Variants in TIMM44 observed in about 807,000 individuals in gnomAD.
The protein encoded by TIMM44 is mitochondrial import inner membrane translocase subunit TIM44.
A neutral mutation model predicts 63.8 loss-of-function variants in TIMM44; 37 were observed. That is an observed-to-expected ratio of 0.58 (90% confidence interval 0.45 to 0.76). The LOEUF is 0.76. Ranked by LOEUF, TIMM44 falls within the 30% of genes least tolerant of loss-of-function variation. The pLI, the probability that TIMM44 is intolerant of heterozygous loss-of-function variation, is 0.00. For missense variants in TIMM44, 573 were observed against 603.8 expected, an observed-to-expected ratio of 0.95 and a Z score of 0.54; for synonymous variants, 239 against 245.1, an observed-to-expected ratio of 0.98 and a Z score of 0.23.
Position 7,934,111 on chromosome 19 carries a change from G to A in TIMM44, c.521C>T (p.Ala174Val). 2.5e-6 allele frequency: 4 copies of A among 1,613,138 alleles called. No individual in the cohort carries two copies. Among genetic ancestry groups the A allele is most frequent in the Non-Finnish European group, 3.4e-6 (4 of 1,179,976 alleles). ...SKGGEKLGRT[A>V]AFRALSQGVE... ...CACCTGGGAGAGGGCTCTGAAGGCCGCTGTCCTGCCCAGCTTCTCCCCGCC... is the reference window on the plus strand; with the variant it reads ...CACCTGGGAGAGGGCTCTGAAGGCCACTGTCCTGCCCAGCTTCTCCCCGCC... The change falls in exon 5 of 13, where the codon GCG becomes GTG. Residue 174 changes from alanine (A) to valine (V), a missense_variant. Transcript: ENST00000270538. The surrounding 1 kb of genome is among the most constrained non-coding windows in gnomAD (Gnocchi z 5.3).
rs779904923 is a variant in TIMM44, at chr19:7,933,906, G to A, written c.641C>T (p.Ala214Val). Residue 214 changes from alanine to valine, a missense_variant, in exon 6 of 13, where the codon GCG (alanine) becomes GTG (valine). Coordinates refer to ENST00000270538, the MANE Select transcript of TIMM44 (RefSeq NM_006351.4). This position sits in a 1 kb window ranked among gnomAD's most constrained non-coding sequence, Gnocchi z 4.3. ...TTTCTCCTCCTTGAACTTATCTCCC[G>A]CAAACTCCGTTCTCTTCCGGAGTCG... ...PQRLRKRTEF[A>V]GDKFKEEKVF... The A allele has an allele frequency of 6.8e-6, 11 of 1,614,008 alleles. No individual in the cohort carries two copies. Among genetic ancestry groups the A allele is most frequent in the East Asian group, 6.7e-5 (3 of 44,886 alleles).
At chr19:7,930,386 G>C (rs1285264801) in intron 10 of TIMM44, among the ~76,000 whole-genome samples, 1 of 141,122 alleles carries the variant, frequency 7.1e-6, no homozygotes, top group Non-Finnish European at 1.5e-5. Flanking sequence ...TCAGCTCACT[G>C]TAACCTCCAC....
Position 7,934,364 on chromosome 19 carries a change from C to T in TIMM44, c.394-126G>A, listed in dbSNP as rs1335837070. ...GTTCCCCGAGGCCGGCAGAGGCCTT[C>T]TGTGCTCCTGTGGTACGCGGCACCC... On this transcript the variant is annotated intron_variant, in intron 4 of 12. Coordinates refer to ENST00000270538, the MANE Select transcript of TIMM44 (RefSeq NM_006351.4). The surrounding 1 kb of genome is among the most constrained non-coding windows in gnomAD (Gnocchi z 5.3). 5.5e-6 allele frequency: 7 copies of T among 1,274,402 alleles called. No homozygotes were observed. Among genetic ancestry groups the T allele is most frequent in the Non-Finnish European group, 3.4e-6 (3 of 895,330 alleles). 78.9% of individuals were successfully genotyped at this position (1,274,402 alleles called of 1,614,324 possible). A position where few individuals can be genotyped will look rare whatever the true frequency, so the allele number is the denominator to read the frequency against.
chr19:7,926,763 T>G lies in TIMM44; in HGVS notation c.*424A>C. ...TTTTATTCTTTCCAAATCTCAGGCT[T>G]ATGCACAAGATGGAAGAGCACTGTT... On this transcript the variant is annotated 3_prime_UTR_variant, in exon 13 of 13. Transcript: ENST00000270538. 3.9e-6 allele frequency: 1 copy of G among 257,344 alleles called. No homozygotes were observed. Among genetic ancestry groups the G allele is most frequent in the Non-Finnish European group, 7.8e-6 (1 of 128,124 alleles). 15.9% of individuals were successfully genotyped at this position (257,344 alleles called of 1,614,324 possible).
chr19:7,930,349 C>A (rs1983945512), intron 10 of TIMM44, among the ~76,000 whole-genome samples: 1 of 145,630 alleles, frequency 6.9e-6, no homozygotes, highest in African/African-American at 2.5e-5. Flanking sequence ...TGCTCTGTTG[C>A]CCAGGCTGAA....
chr19:7,940,578 CAG>C (rs1394224974), intron 2 of TIMM44, among the ~76,000 whole-genome samples: 4 of 152,062 alleles, frequency 2.6e-5, no homozygotes, highest in Non-Finnish European at 5.9e-5. Context: ...GAGAGGGAGA[CAG>C]AATGTACGCG....
chr19:7,931,105 A>C (rs1338187211), intron 10 of TIMM44, 33 bp downstream of exon 10: 1 of 1,596,630 alleles, frequency 6.3e-7, no homozygotes, highest in East Asian at 2.2e-5. Context: ...TAGGCCTTAA[A>C]AAAAAAAAAA....
intron 10 of TIMM44, among the ~76,000 whole-genome samples, chr19:7,929,480 C>T (rs1446151013): frequency 2.6e-5 from 4 of 152,194 alleles, no homozygotes; most frequent in Admixed American, 1.3e-4. Flanking sequence ...GTGGCGGCCC[C>T]GGGTCACCGA....
In TIMM44 at chr19:7,930,678, G is replaced by T. The variant is rs142981908; in HGVS notation, c.1038+460C>A. ...TTCCCAGGCTAGTCTTGAATGCTTGGGCTCAAGCAATCTCCCGCCTTGGGC... is the reference window on the plus strand; with the variant it reads ...TTCCCAGGCTAGTCTTGAATGCTTGTGCTCAAGCAATCTCCCGCCTTGGGC... On this transcript the variant is annotated intron_variant, in intron 10 of 12. Coordinates refer to ENST00000270538, the MANE Select transcript of TIMM44 (RefSeq NM_006351.4). Among the ~76,000 whole-genome samples the T allele has an allele frequency of 6.6e-3, 998 of 152,204 alleles. 16 individuals carry two copies. The highest frequency in any genetic ancestry group is 0.044 in the Middle Eastern group (13 of 294).
chr19:7,938,144 A>C lies in TIMM44; in HGVS notation c.195T>G (p.Asp65Glu), dbSNP rs1209521647. The change falls in exon 3 of 13, where the codon GAT becomes GAG. Residue 65 changes from aspartate (D) to glutamate (E), a missense_variant. By Grantham distance (45) the Asp-to-Glu change is conservative (BLOSUM62 2). Transcript: ENST00000270538. ...TTTTGGCTAATTCTTGTTTGACATT[A>C]TCTAGCAAGCCGGACAGAAAGCCTT... ...NRKGFLSGLL[D>E]NVKQELAKNK... 9.3e-6 allele frequency: 15 copies of C among 1,613,980 alleles called. No homozygotes were observed. Among genetic ancestry groups the C allele is most frequent in the Non-Finnish European group, 1.2e-5 (14 of 1,179,998 alleles).
Position 7,934,155 on chromosome 19 carries a change from C to G in TIMM44, c.477G>C (p.Ser159=), listed in dbSNP as rs749770608. Reference sequence around the variant, plus strand: ...CCCCGCCTTTGGATACCGACTCGGCCGACTGCTTGGCCGTCTTGGCTGCTT... The same window carrying G: ...CCCCGCCTTTGGATACCGACTCGGCGGACTGCTTGGCCGTCTTGGCTGCTT... ...VEEAAKTAKQ[S]AESVSKGGEK... The change falls in exon 5 of 13, where the codon TCG becomes TCC. Residue 159 remains serine (S), a synonymous_variant. Coordinates refer to ENST00000270538, the MANE Select transcript of TIMM44 (RefSeq NM_006351.4). The surrounding 1 kb of genome is among the most constrained non-coding windows in gnomAD (Gnocchi z 5.3). The G allele has an allele frequency of 2.5e-6, 4 of 1,613,470 alleles. No individual in the cohort carries two copies. Among genetic ancestry groups the G allele is most frequent in the East Asian group, 4.5e-5 (2 of 44,884 alleles).
chr19:7,935,014 CCAGGGGA>C, intron 4 of TIMM44, 44 bp downstream of exon 4: 1 of 1,546,058 alleles, frequency 6.5e-7, no homozygotes, highest in Non-Finnish European at 8.9e-7. Context: ...CCTCCAGCGG[CCAGGGGA>C]CTTTGATGGC....
chr19:7,938,464 T>C (rs992866901), intron 2 of TIMM44, among the ~76,000 whole-genome samples: 1 of 151,842 alleles, frequency 6.6e-6, no homozygotes, highest in Non-Finnish European at 1.5e-5. Flanking sequence ...GGAGGGAGGA[T>C]TGCTTGAGGT....
At chr19:7,940,790 G>C (rs1425278511) in intron 2 of TIMM44, among the ~76,000 whole-genome samples, 2 of 152,092 alleles carry the variant, frequency 1.3e-5, no homozygotes, top group African/African-American at 4.8e-5. Flanking sequence ...AGGTACCCAC[G>C]GGCAGAGGTC....
chr19:7,934,942 C>T lies in TIMM44; in HGVS notation c.393+123G>A. 4.7e-6 allele frequency: 4 copies of T among 851,484 alleles called. No homozygotes were observed. Among genetic ancestry groups the T allele is most frequent in the Non-Finnish European group, 7.7e-6 (4 of 516,698 alleles). The allele number at this position is 851,484 out of a possible 1,614,324, so 52.7% of individuals were successfully genotyped here. On this transcript the variant is annotated intron_variant, in intron 4 of 12. Coordinates refer to ENST00000270538, the MANE Select transcript of TIMM44 (RefSeq NM_006351.4). The surrounding 1 kb of genome is among the most constrained non-coding windows in gnomAD (Gnocchi z 5.3). ...CCTGAAACCTTCCCGAGGGTGGCAG[C>T]ACGCCCCATGCCACCCACTGCTGCC...
At chr19:7,939,342 T>C (rs1026504930) in intron 2 of TIMM44, among the ~76,000 whole-genome samples, 4 of 152,166 alleles carry the variant, frequency 2.6e-5, no homozygotes, top group African/African-American at 7.2e-5. Flanking sequence ...CCGGGCGCAG[T>C]GGCTCCTGCC....
At chr19:7,938,488 AC>A (rs1233554705) in intron 2 of TIMM44, among the ~76,000 whole-genome samples, 3 of 152,064 alleles carry the variant, frequency 2.0e-5, no homozygotes, top group Non-Finnish European at 1.5e-5. Flanking sequence ...GAGTTTTAAG[AC>A]CAACCTGGGC....
chr19:7,933,791 G>A lies in TIMM44; in HGVS notation c.683+73C>T. ...AAACGGACTCAGGAGGGAACCATTGGTGGGCTCCCGAAATGGACAGCAGTG... is the reference window on the plus strand; with the variant it reads ...AAACGGACTCAGGAGGGAACCATTGATGGGCTCCCGAAATGGACAGCAGTG... On this transcript the variant is annotated intron_variant, in intron 6 of 12. Transcript: ENST00000270538. The surrounding 1 kb of genome is among the most constrained non-coding windows in gnomAD (Gnocchi z 4.3). 1 of 1,596,088 alleles carries A rather than the reference G, an allele frequency of 6.3e-7. No homozygotes were observed. The highest frequency in any genetic ancestry group is 8.6e-7 in the Non-Finnish European group (1 of 1,167,470).
At chr19:7,931,483 G>A in intron 9 of TIMM44, 1 of 446,060 alleles carries the variant, frequency 2.2e-6, no homozygotes, top group Non-Finnish European at 4.1e-6. Context: ...AGAGAAAGGT[G>A]GCTGGGGACC....
Sources: gnomAD v4.1 joint callset for allele counts (sites outside exome capture counted in the v4.1 genomes callset) on GRCh38, gnomAD v4.1.1 for gene constraint, Gnocchi (gnomAD v3.1) non-coding constraint, MANE v1.5 for transcripts, NCBI Gene and HGNC (gene_info 2026-07-23, HGNC 2026-07-21) for gene names.